Variants in TM9SF2 observed in about 807,000 individuals in gnomAD.
The protein encoded by TM9SF2 is transmembrane 9 superfamily member 2.
In TM9SF2, 13 loss-of-function variants were observed where a neutral mutation model predicts 84.9. The observed-to-expected ratio is 0.15, with a 90% CI of 0.10 to 0.24. TM9SF2 has a LOEUF of 0.24. Ranked by LOEUF, TM9SF2 falls within the 10% of genes least tolerant of loss-of-function variation. The pLI, the probability that TM9SF2 is intolerant of heterozygous loss-of-function variation, is 1.00. For synonymous variants in TM9SF2, 273 were observed against 285.8 expected, an observed-to-expected ratio of 0.96 and a Z score of 0.45; for missense variants, 562 against 818.5, an observed-to-expected ratio of 0.69 and a Z score of 3.82.
intron 6 of TM9SF2, among the ~76,000 whole-genome samples, chr13:99,538,246 T>G (rs1380350165): frequency 1.3e-5 from 2 of 152,216 alleles, no homozygotes; most frequent in Non-Finnish European, 2.9e-5. Context: ...GGACAAGTAC[T>G]GTGATTTCTC....
intron 15 of TM9SF2, 98 bp downstream of exon 15, chr13:99,555,745 ATGTT>A (rs1254002830): frequency 4.2e-6 from 3 of 715,474 alleles, no homozygotes; most frequent in Non-Finnish European, 6.7e-6. Context: ...CTGTAGATGT[ATGTT>A]TATTATGATA....
chr13:99,540,728 C>G lies in TM9SF2; in HGVS notation c.843C>G (p.Ile281Met). ...YSVSFEEDDK[I>M]RWASRWDYIL... is the part of the protein sequence containing the mutation. ...ATCTCCTCTAGGAAGATGATAAGATCAGATGGGCGTCTAGATGGGACTATA... is the reference window on the plus strand; with the variant it reads ...ATCTCCTCTAGGAAGATGATAAGATGAGATGGGCGTCTAGATGGGACTATA... The change falls in exon 8 of 17, where the codon ATC (isoleucine) becomes ATG (methionine). Residue 281 changes from isoleucine (I) to methionine (M), a missense_variant. By Grantham distance (10) the Ile-to-Met change is conservative. This residue lies in a region of TM9SF2 where 219 missense variants were observed against 338.1 expected (regional missense o/e 0.65). Transcript: ENST00000376387. The G allele has an allele frequency of 5.0e-6, 8 of 1,613,656 alleles. No homozygotes were observed. Among genetic ancestry groups the G allele is most frequent in the Non-Finnish European group, 6.8e-6 (8 of 1,179,806 alleles).
At chr13:99,547,345 C>T (rs1459463898) in intron 11 of TM9SF2, among the ~76,000 whole-genome samples, 1 of 152,178 alleles carries the variant, frequency 6.6e-6, no homozygotes, top group Non-Finnish European at 1.5e-5. Context: ...CTATCCCCTC[C>T]CTCTTTTTTT....
intron 9 of TM9SF2, among the ~76,000 whole-genome samples, chr13:99,542,584 C>T (rs34656004): frequency 0.17 from 26,371 of 151,910 alleles, 2,483 homozygotes; most frequent in Non-Finnish European, 0.2. Context: ...TCTCTTCCCC[C>T]AGCTTCTTCA....
intron 1 of TM9SF2, among the ~76,000 whole-genome samples, chr13:99,503,732 A>AAAT (rs1491280305): frequency 2.1e-5 from 3 of 146,282 alleles, no homozygotes; most frequent in Admixed American, 6.8e-5. Context: ...AAAAAAAAAA[A>AAAT]GAAGAAGAAG....
intron 12 of TM9SF2, 36 bp downstream of exon 12, chr13:99,549,258 A>G: frequency 6.3e-7 from 1 of 1,575,868 alleles, no homozygotes; most frequent in Non-Finnish European, 8.7e-7. Flanking sequence ...TTCTTAACAT[A>G]GTTACATGTT....
intron 3 of TM9SF2, among the ~76,000 whole-genome samples, chr13:99,525,022 G>A (rs1002994605): frequency 2.0e-5 from 3 of 152,026 alleles, no homozygotes; most frequent in African/African-American, 7.2e-5. Flanking sequence ...GTCACTGATG[G>A]GTCAGGTGAG....
At chr13:99,525,217 G>A (rs576012836) in intron 3 of TM9SF2, among the ~76,000 whole-genome samples, 3 of 151,966 alleles carry the variant, frequency 2.0e-5, no homozygotes, top group African/African-American at 7.2e-5. Flanking sequence ...ACTGGAGGAT[G>A]GCGTGGTTCA....
chr13:99,539,324 T>G, intron 6 of TM9SF2, 122 bp from the exon 7 acceptor site: 1 of 679,270 alleles, frequency 1.5e-6, no homozygotes. Flanking sequence ...CTATTAAGTG[T>G]GACATGAATA....
At chr13:99,536,153 A>G (rs1246551461) in intron 4 of TM9SF2, among the ~76,000 whole-genome samples, 1 of 152,192 alleles carries the variant, frequency 6.6e-6, no homozygotes, top group African/African-American at 2.4e-5. Context: ...TTGTGTACCT[A>G]TTTAGAGCTG....
chr13:99,536,840 A>G (rs1175042898), intron 5 of TM9SF2, 103 bp downstream of exon 5: 1 of 1,281,746 alleles, frequency 7.8e-7, no homozygotes, highest in African/African-American at 1.5e-5. Context: ...ATGAGTGTAC[A>G]GTTCAGATGT....
intron 9 of TM9SF2, 30 bp from the exon 10 acceptor site, chr13:99,543,833 A>T (rs761945049): frequency 6.2e-7 from 1 of 1,610,758 alleles, no homozygotes; most frequent in East Asian, 2.2e-5. Context: ...ATACCATGAG[A>T]CAATCGAACT....
chr13:99,506,617 G>A (rs770980924), intron 1 of TM9SF2, among the ~76,000 whole-genome samples: 12 of 152,224 alleles, frequency 7.9e-5, no homozygotes, highest in Admixed American at 2.0e-4. Flanking sequence ...AATCAAGAAA[G>A]CAACAAAAGT....
chr13:99,559,216 A>C, intron 15 of TM9SF2, 147 bp from the exon 16 acceptor site: 1 of 623,824 alleles, frequency 1.6e-6, no homozygotes, highest in Non-Finnish European at 2.5e-6. Context: ...GGAATGGGTG[A>C]AGTTCAATAG....
At chr13:99,540,538 C>A in intron 7 of TM9SF2, 176 bp from the exon 8 acceptor site, 9 of 296,004 alleles carry the variant, frequency 3.0e-5, no homozygotes, top group Non-Finnish European at 3.6e-5. Flanking sequence ...ACTCTGATTT[C>A]CCCTAGACTT....
intron 16 of TM9SF2, 69 bp from the exon 17 acceptor site, chr13:99,562,622 G>A (rs1296990404): frequency 6.8e-7 from 1 of 1,470,056 alleles, no homozygotes; most frequent in African/African-American, 1.4e-5. Context: ...GTCATTGTAA[G>A]TCTGTATTTT....
At chr13:99,507,017 T>A (rs543141765) in intron 1 of TM9SF2, among the ~76,000 whole-genome samples, 1 of 152,366 alleles carries the variant, frequency 6.6e-6, no homozygotes, top group Non-Finnish European at 1.5e-5. Context: ...CTCTTCTCAC[T>A]TTTCAAACCT....
Position 99,527,463 on chromosome 13 carries a change from A to T in TM9SF2, c.334-2004A>T, listed in dbSNP as rs149734512. 6.1e-3 allele frequency among the ~76,000 whole-genome samples: 925 copies of T among 152,228 alleles called. 8 individuals carry two copies. Among genetic ancestry groups the T allele is most frequent in the African/African-American group, 0.02 (851 of 41,528 alleles). ...AGAAAGCCCCTTATAAAACCATCAG[A>T]TCTTGTGAGAGCTCACTCACTATCA... On this transcript the variant is annotated intron_variant, in intron 3 of 16. Transcript: ENST00000376387.
chr13:99,529,642 A>C, intron 4 of TM9SF2, 48 bp downstream of exon 4: 1 of 1,447,214 alleles, frequency 6.9e-7, no homozygotes. Flanking sequence ...TTCCATATGA[A>C]ATCTTTGTTG....
Sources: allele counts gnomAD v4.1 joint callset (sites outside exome capture counted in the v4.1 genomes callset), GRCh38; gene constraint gnomAD v4.1.1; regional missense constraint gnomAD v4.1.1; transcripts MANE v1.5; gene names NCBI Gene and HGNC (gene_info 2026-07-23, HGNC 2026-07-21).